CDH13: variants seen among roughly 807,000 people sequenced by gnomAD.
CDH13 encodes cadherin 13.
Under a neutral mutation model 63.8 loss-of-function variants are expected in CDH13, and 24 were observed. That is an observed-to-expected ratio of 0.38 (90% CI 0.27 to 0.53). The LOEUF is 0.53. CDH13 is among the 20% of genes least tolerant of loss of function. CDH13 has a pLI of 0.85. For missense variants in CDH13, 1,049 were observed against 903.1 expected (o/e 1.16, Z -2.07); for synonymous variants, 503 against 355.3 (o/e 1.42, Z -4.67).
At chr16:82,924,459 G>A (rs2042245355) in intron 2 of CDH13, among the ~76,000 whole-genome samples, 1 of 152,202 alleles carries the variant, frequency 6.6e-6, no homozygotes, top group Non-Finnish European at 1.5e-5. Context: ...CTCAGGTGGT[G>A]GTTGCGGTTT....
At chr16:83,240,535 T>C (rs1446664708) in intron 5 of CDH13, among the ~76,000 whole-genome samples, 1 of 151,934 alleles carries the variant, frequency 6.6e-6, no homozygotes, top group African/African-American at 2.4e-5. Context: ...GTGGAGGTGA[T>C]AAAAAGTGGT....
intron 5 of CDH13, among the ~76,000 whole-genome samples, chr16:83,247,804 G>T (rs117721275): frequency 0.036 from 5,432 of 152,238 alleles, 125 homozygotes; most frequent in Middle Eastern, 0.061. Flanking sequence ...CCAGGAACCA[G>T]AGAGCCTAAA....
chr16:83,425,606 CT>C (rs1289669182), intron 6 of CDH13, among the ~76,000 whole-genome samples: 3 of 152,248 alleles, frequency 2.0e-5, no homozygotes, highest in Non-Finnish European at 4.4e-5. Context: ...CCACTGTTGC[CT>C]TTGGAGCTTT....
At chr16:82,705,135 G>C (rs1221814210) in intron 1 of CDH13, 1 of 456,006 alleles carries the variant, frequency 2.2e-6, no homozygotes, top group Admixed American at 2.3e-5. Flanking sequence ...GATAGTAACA[G>C]TCTTGCTGAC....
At chr16:82,718,601 T>C (rs558799241) in intron 1 of CDH13, among the ~76,000 whole-genome samples, 20 of 152,130 alleles carry the variant, frequency 1.3e-4, no homozygotes, top group African/African-American at 2.4e-5. Flanking sequence ...ACTGGGCAAT[T>C]TACAAAAGAG....
At chr16:83,046,254 T>C (rs981714120) in intron 3 of CDH13, among the ~76,000 whole-genome samples, 2 of 152,220 alleles carry the variant, frequency 1.3e-5, no homozygotes, top group Admixed American at 6.5e-5. Context: ...GTGGCAGATA[T>C]TGTTATTTGC....
chr16:82,954,825 A>G (rs1201779420), intron 2 of CDH13: 1 of 151,976 alleles, frequency 6.6e-6, no homozygotes, highest in African/African-American at 2.4e-5. Flanking sequence ...GCAGCCACAA[A>G]ATCTCATTCT....
At chr16:83,535,548 C>G (rs1389667138) in intron 7 of CDH13, among the ~76,000 whole-genome samples, 3 of 152,188 alleles carry the variant, frequency 2.0e-5, no homozygotes, top group Non-Finnish European at 4.4e-5. Flanking sequence ...AGCTGACCAG[C>G]TCTGCTTTGC....
At chr16:83,657,720 A>C (rs1303240685) in intron 8 of CDH13, among the ~76,000 whole-genome samples, 1 of 152,164 alleles carries the variant, frequency 6.6e-6, no homozygotes, top group East Asian at 1.9e-4. Flanking sequence ...AAGGTACTGC[A>C]TTTGCTTGCT....
intron 1 of CDH13, among the ~76,000 whole-genome samples, chr16:82,638,925 C>A (rs1357392051): frequency 2.0e-5 from 3 of 151,876 alleles, no homozygotes; most frequent in African/African-American, 7.3e-5. Context: ...GCACTAGTTA[C>A]CCATGTTATC....
chr16:82,727,591 T>C (rs2033169289), intron 1 of CDH13: 1 of 152,186 alleles, frequency 6.6e-6, no homozygotes, highest in Non-Finnish European at 1.5e-5. Context: ...TCATCCCATT[T>C]AGAACATGGT....
At chr16:83,218,314 T>C (rs2039599127) in intron 5 of CDH13, among the ~76,000 whole-genome samples, 1 of 152,126 alleles carries the variant, frequency 6.6e-6, no homozygotes, top group Admixed American at 6.5e-5. Context: ...TACTGGGCAA[T>C]GCGCTCAAGG....
At chr16:83,634,915 G>C (rs1335159263) in intron 8 of CDH13, among the ~76,000 whole-genome samples, 1 of 152,182 alleles carries the variant, frequency 6.6e-6, no homozygotes. Context: ...TAAGGCTTTT[G>C]TGTGAACATA....
At chr16:83,738,437 T>C (rs1057430003) in intron 10 of CDH13, among the ~76,000 whole-genome samples, 2 of 152,250 alleles carry the variant, frequency 1.3e-5, no homozygotes, top group African/African-American at 4.8e-5. Context: ...TTAATTTTTT[T>C]CTTTTTTCTC....
chr16:83,233,639 C>T (rs866853100), intron 5 of CDH13, among the ~76,000 whole-genome samples: 4 of 152,172 alleles, frequency 2.6e-5, no homozygotes, highest in Non-Finnish European at 2.9e-5. Flanking sequence ...CCTCCATCCT[C>T]AAAGCCAGCA....
chr16:82,651,652 T>A (rs1910734132), intron 1 of CDH13, among the ~76,000 whole-genome samples: 1 of 152,224 alleles, frequency 6.6e-6, no homozygotes, highest in Admixed American at 6.5e-5. Context: ...AGACTGAGGC[T>A]TAGAGAGGGT....
chr16:83,454,941 C>G (rs1456332839), intron 6 of CDH13, among the ~76,000 whole-genome samples: 1 of 152,090 alleles, frequency 6.6e-6, no homozygotes, highest in Admixed American at 6.6e-5. Flanking sequence ...AACTCCTGAC[C>G]TCAAGTGATC....
intron 1 of CDH13, chr16:82,823,625 C>T (rs2038107397): frequency 6.6e-6 from 1 of 152,102 alleles, no homozygotes; most frequent in Non-Finnish European, 1.5e-5. Context: ...ACCAAAACAA[C>T]TGCAAAGGGA....
intron 3 of CDH13, among the ~76,000 whole-genome samples, chr16:83,083,232 C>T (rs1472878722): frequency 6.6e-6 from 1 of 152,192 alleles, no homozygotes; most frequent in Non-Finnish European, 1.5e-5. Context: ...TCAAAATACT[C>T]TTGGGAGAAG....
Sources: allele counts gnomAD v4.1 joint callset (sites outside exome capture counted in the v4.1 genomes callset), GRCh38; gene constraint gnomAD v4.1.1; transcripts MANE v1.5; gene names NCBI Gene and HGNC (gene_info 2026-07-23, HGNC 2026-07-21).